The following TMEM165 variants were observed in gnomAD, a reference collection of about 807,000 sequenced individuals.
TMEM165 encodes the protein putative divalent cation/proton antiporter TMEM165.
Under a neutral mutation model 30.0 loss-of-function variants are expected in TMEM165, and 19 were observed. That is an observed-to-expected ratio of 0.63 (90% CI 0.44 to 0.93). TMEM165 has a LOEUF of 0.93. TMEM165 is among the 40% of genes least tolerant of loss of function. The pLI is 0.00. For missense variants in TMEM165, 340 were observed against 417.0 expected, an observed-to-expected ratio of 0.82 and a Z score of 1.61; for synonymous variants, 168 against 162.9, an observed-to-expected ratio of 1.03 and a Z score of -0.24.
intron 3 of TMEM165, among the ~76,000 whole-genome samples, chr4:55,443,269 G>A (rs1274185745): frequency 6.6e-6 from 1 of 152,074 alleles, no homozygotes; most frequent in Non-Finnish European, 1.5e-5. Flanking sequence ...GAGGTCAGGA[G>A]TTTGAGATCA....
intron 3 of TMEM165, among the ~76,000 whole-genome samples, chr4:55,437,912 G>C (rs1723017291): frequency 6.6e-6 from 1 of 152,140 alleles, no homozygotes; most frequent in Non-Finnish European, 1.5e-5. Context: ...CTAGTAAAAA[G>C]AAATCCCTGC....
chr4:55,418,379 C>T (rs367788032), intron 4 of TMEM165, among the ~76,000 whole-genome samples: 8 of 151,800 alleles, frequency 5.3e-5, no homozygotes, highest in South Asian at 4.2e-4. Context: ...TGTAGCTAGC[C>T]GGGCTTGGTG....
In TMEM165 at chr4:55,450,358, A is replaced by G. The variant is rs1336862446; in HGVS notation, c.409-1881A>G. The G allele has an allele frequency of 9.9e-6, 10 of 1,011,228 alleles. No homozygotes were observed. The Admixed American group carries it at 1.5e-4, about 15-fold the overall frequency. The allele number at this position is 1,011,228 out of a possible 1,614,324, so 62.6% of individuals were successfully genotyped here. On this transcript the variant is annotated intron_variant, in intron 3 of 3. Coordinates refer to the TMEM165 transcript ENST00000608091. ...TAACAAGGCAAAAGTACCTGTATGT[A>G]CATACACATGTAAAGAAATGAAAAT...
At chr4:55,398,702 T>C (rs1420557271) in intron 1 of TMEM165, among the ~76,000 whole-genome samples, 2 of 152,166 alleles carry the variant, frequency 1.3e-5, no homozygotes, top group Non-Finnish European at 2.9e-5. Context: ...CTTTTAGGTG[T>C]CTTGAGAGCA....
chr4:55,422,545 A>C (rs1288759661), intron 4 of TMEM165, among the ~76,000 whole-genome samples: 1 of 152,220 alleles, frequency 6.6e-6, no homozygotes, highest in Non-Finnish European at 1.5e-5. Flanking sequence ...TGTGTGAACC[A>C]TCCACCCACC....
chr4:55,447,211 A>C (rs1326441743), intron 3 of TMEM165, among the ~76,000 whole-genome samples: 1 of 152,080 alleles, frequency 6.6e-6, no homozygotes, highest in Non-Finnish European at 1.5e-5. Flanking sequence ...TACTAAAAAT[A>C]TAAAAACTAG....
At chr4:55,411,403 G>A (rs540427023) in intron 1 of TMEM165, among the ~76,000 whole-genome samples, 48 of 152,098 alleles carry the variant, frequency 3.2e-4, no homozygotes, top group African/African-American at 1.1e-3. Context: ...AACTACTTCT[G>A]GTCCCATACA....
At chr4:55,441,225 C>A (rs940784285) in intron 3 of TMEM165, among the ~76,000 whole-genome samples, 1 of 152,142 alleles carries the variant, frequency 6.6e-6, no homozygotes, top group African/African-American at 2.4e-5. Flanking sequence ...TTAAATATCA[C>A]CTTACCCAGC....
intron 1 of TMEM165, among the ~76,000 whole-genome samples, chr4:55,406,654 T>A (rs13151102): frequency 6.6e-6 from 1 of 152,342 alleles, no homozygotes; most frequent in South Asian, 2.1e-4. Context: ...GACATTTAGT[T>A]GTTTTTTTCT....
rs182563550 is a variant in TMEM165, at chr4:55,447,404, T to C, written c.409-4835T>C. 5.1e-4 allele frequency among the ~76,000 whole-genome samples: 77 copies of C among 152,354 alleles called. 1 individual carries two copies. The highest frequency in any genetic ancestry group is 1.6e-3 in the African/African-American group (68 of 41,586). On this transcript the variant is annotated intron_variant, in intron 3 of 3. Coordinates refer to the TMEM165 transcript ENST00000608091. ...AGTTACATTTATGTCATACAAATGTTATTTTATTATAACTAAAGTTATTTG... is the reference window on the plus strand; with the variant it reads ...AGTTACATTTATGTCATACAAATGTCATTTTATTATAACTAAAGTTATTTG...
chr4:55,400,506 T>C lies in TMEM165; in HGVS notation c.207+4110T>C, dbSNP rs369942705. 3.4e-5 allele frequency among the ~76,000 whole-genome samples: 5 copies of C among 147,814 alleles called. No individual in the cohort carries two copies. The South Asian group carries it at 8.4e-4, about 25-fold the overall frequency. ...AGGCTGGAGTGCAGTGGCGTGATCT[T>C]GGCTCACTGCAAGGTCTGCCTTCCA... On this transcript the variant is annotated intron_variant, in intron 1 of 5. Coordinates refer to ENST00000381334, the MANE Select transcript of TMEM165 (RefSeq NM_018475.5).
intron 3 of TMEM165, among the ~76,000 whole-genome samples, chr4:55,443,083 A>G (rs1723505350): frequency 6.6e-6 from 1 of 152,206 alleles, no homozygotes; most frequent in African/African-American, 2.4e-5. Flanking sequence ...CTTCCTGGTC[A>G]GCCTCTTGAG....
rs369254580 is a variant in TMEM165 at position 55,444,275 on chromosome 4, T to C, written c.409-7964T>C. 4.6e-5 allele frequency among the ~76,000 whole-genome samples: 7 copies of C among 152,342 alleles called. No individual in the cohort carries two copies. The East Asian group carries it at 7.7e-4, about 17-fold the overall frequency. On this transcript the variant is annotated intron_variant, in intron 3 of 3. Transcript: ENST00000608091. ...ATATAAGACTAATTTGAATCATACA[T>C]ACTGGTATCTTAATAAAAATATTAC...
At chr4:55,437,421 C>T (rs956980189) in intron 3 of TMEM165, among the ~76,000 whole-genome samples, 2 of 152,126 alleles carry the variant, frequency 1.3e-5, no homozygotes, top group African/African-American at 4.8e-5. Context: ...TCCTGAGGTC[C>T]AGATAAGGGT....
At chr4:55,397,099 A>G (rs1243184903) in intron 1 of TMEM165, 2 of 152,188 alleles carry the variant, frequency 1.3e-5, no homozygotes, top group African/African-American at 4.8e-5. Context: ...CAGCGTTTTA[A>G]CATTTCTCCC....
In TMEM165 at chr4:55,444,501, C is replaced by A. The variant is rs900009985; in HGVS notation, c.409-7738C>A. Reference sequence around the variant, plus strand: ...AGTATAATCATACTGAGTAGGTAACCAGTGAATATTTATTGAACTGAATTG... The same window carrying A: ...AGTATAATCATACTGAGTAGGTAACAAGTGAATATTTATTGAACTGAATTG... On this transcript the variant is annotated intron_variant, in intron 3 of 3. Coordinates refer to the TMEM165 transcript ENST00000608091. 3.9e-6 allele frequency: 4 copies of A among 1,037,476 alleles called. No homozygotes were observed. In the East Asian group the frequency reaches 7.2e-5, roughly 19 times the overall value. 64.3% of individuals were successfully genotyped at this position (1,037,476 alleles called of 1,614,324 possible).
chr4:55,448,596 G>GCGCGCA (rs1553891200), intron 3 of TMEM165, among the ~76,000 whole-genome samples: 1 of 108,718 alleles, frequency 9.2e-6, no homozygotes, highest in Admixed American at 9.5e-5. Context: ...GCGCGCGCAC[G>GCGCGCA]CGCGCGTGTG....
chr4:55,445,608 T>TTTTTG, intron 3 of TMEM165, among the ~76,000 whole-genome samples: 1 of 104,014 alleles, frequency 9.6e-6, no homozygotes, highest in Non-Finnish European at 2.0e-5. Context: ...TTTTTTTTTT[T>TTTTTG]GAGACAGGAT....
intron 2 of TMEM165, among the ~76,000 whole-genome samples, chr4:55,413,568 GC>G (rs568206599): frequency 6.0e-4 from 91 of 152,326 alleles, no homozygotes; most frequent in African/African-American, 2.1e-3. Flanking sequence ...GCCCGCCTTG[GC>G]CTCCCAAAGT....
Sources: gnomAD v4.1 joint callset for allele counts (sites outside exome capture counted in the v4.1 genomes callset) on GRCh38, gnomAD v4.1.1 for gene constraint, MANE v1.5 for transcripts, NCBI Gene and HGNC (gene_info 2026-07-23, HGNC 2026-07-21) for gene names.